The following RAP1GAP2 variants were observed in gnomAD, a reference collection of about 807,000 sequenced individuals.
The protein encoded by RAP1GAP2 is RAP1 GTPase activating protein 2.
A neutral mutation model predicts 95.0 loss-of-function variants in RAP1GAP2; 27 were observed. The observed-to-expected ratio is 0.28, with a 90% CI of 0.21 to 0.39. The LOEUF is 0.39. Among genes scored for constraint, RAP1GAP2 ranks in the 10% least tolerant of loss-of-function variants. RAP1GAP2 has a pLI of 1.00. For missense variants in RAP1GAP2, 771 were observed against 970.0 expected (o/e 0.79, Z 2.72); for synonymous variants, 373 against 380.9 (o/e 0.98, Z 0.24).
chr17:2,952,434 T>G (rs112252506), intron 3 of RAP1GAP2, among the ~76,000 whole-genome samples: 51 of 152,350 alleles, frequency 3.3e-4, no homozygotes, highest in African/African-American at 1.1e-3. Context: ...CATGTGTTCT[T>G]GTGGCATGGC....
At chr17:2,876,281 C>T (rs546890895) in intron 2 of RAP1GAP2, among the ~76,000 whole-genome samples, 5 of 151,968 alleles carry the variant, frequency 3.3e-5, no homozygotes, top group Non-Finnish European at 4.4e-5. Flanking sequence ...GTAAAATATT[C>T]GAAGAGATTT....
rs2046230361 is a variant in RAP1GAP2 at position 3,003,408 on chromosome 17, A to C, written c.1201-1961A>C. 6.6e-6 allele frequency among the ~76,000 whole-genome samples: 1 copy of C among 152,042 alleles called. No individual in the cohort carries two copies. ...CTGCCTCCCTCTCCGGAAGTCCTCA[A>C]AGGTGTCAGGAATCTCAGGTGAAGC... On this transcript the variant is annotated intron_variant, in intron 14 of 24. Coordinates refer to ENST00000254695, the MANE Select transcript of RAP1GAP2 (RefSeq NM_015085.5). This position sits in a 1 kb window ranked among gnomAD's most constrained non-coding sequence, Gnocchi z 4.1.
intron 3 of RAP1GAP2, among the ~76,000 whole-genome samples, chr17:2,943,204 T>A (rs992601741): frequency 6.6e-6 from 1 of 151,924 alleles, no homozygotes; most frequent in African/African-American, 2.4e-5. Flanking sequence ...AGATATTTTA[T>A]AGAGATTGAA....
At chr17:2,854,742 G>A (rs952482754) in intron 2 of RAP1GAP2, among the ~76,000 whole-genome samples, 1 of 152,216 alleles carries the variant, frequency 6.6e-6, no homozygotes, top group Non-Finnish European at 1.5e-5. Context: ...GTAGGCAAAG[G>A]AGGTTCTGAG....
chr17:2,909,487 G>A (rs1326268217), intron 3 of RAP1GAP2, among the ~76,000 whole-genome samples: 1 of 152,168 alleles, frequency 6.6e-6, no homozygotes, highest in African/African-American at 2.4e-5. Context: ...GTGGAAAGGA[G>A]GGAGTGAGGC....
intron 2 of RAP1GAP2, among the ~76,000 whole-genome samples, chr17:2,823,889 C>T (rs190886647): frequency 2.1e-4 from 32 of 152,104 alleles, no homozygotes; most frequent in African/African-American, 3.9e-4. Flanking sequence ...TTTGGGAGGC[C>T]GAGGCGGGCG....
intron 2 of RAP1GAP2, among the ~76,000 whole-genome samples, chr17:2,809,827 G>A (rs966752503): frequency 3.9e-4 from 60 of 152,320 alleles, no homozygotes; most frequent in African/African-American, 1.3e-3. Flanking sequence ...CAGCCACCGC[G>A]GGAGAGGCTC....
chr17:2,768,896 C>T (rs2068328352), intron 1 of RAP1GAP2, among the ~76,000 whole-genome samples: 1 of 150,888 alleles, frequency 6.6e-6, no homozygotes, highest in South Asian at 2.1e-4. Context: ...TGACTCCTGA[C>T]CCCTGCTCCA....
chr17:2,757,812 A>G (rs2071173064), intron 1 of RAP1GAP2, among the ~76,000 whole-genome samples: 1 of 150,662 alleles, frequency 6.6e-6, no homozygotes, highest in Non-Finnish European at 1.5e-5. Context: ...CATCCTCCCA[A>G]CTCTTGCCCC....
At chr17:3,028,957 G>C (rs1175156355) in intron 22 of RAP1GAP2, among the ~76,000 whole-genome samples, 1 of 152,000 alleles carries the variant, frequency 6.6e-6, no homozygotes, top group East Asian at 1.9e-4. Context: ...TGTGCCACAT[G>C]CCCGGCTAAT....
chr17:2,896,203 G>C (rs2041818940), intron 2 of RAP1GAP2, among the ~76,000 whole-genome samples: 1 of 152,134 alleles, frequency 6.6e-6, no homozygotes, highest in African/African-American at 2.4e-5. Flanking sequence ...CTTTCAGGTG[G>C]GTGTGCCGTG....
chr17:2,945,685 G>T (rs940924444), intron 3 of RAP1GAP2, among the ~76,000 whole-genome samples: 2 of 151,682 alleles, frequency 1.3e-5, no homozygotes, highest in Non-Finnish European at 2.9e-5. Context: ...ATCATGAAAG[G>T]ATATTAGCTT....
intron 8 of RAP1GAP2, among the ~76,000 whole-genome samples, chr17:2,969,179 C>CTCTCTA (rs898860712): frequency 6.3e-4 from 90 of 143,224 alleles, no homozygotes; most frequent in African/African-American, 2.1e-3. Flanking sequence ...ATCTATCTAT[C>CTCTCTA]TATATATATA....
At chr17:2,947,080 A>G (rs1246449864) in intron 3 of RAP1GAP2, among the ~76,000 whole-genome samples, 1 of 152,112 alleles carries the variant, frequency 6.6e-6, no homozygotes, top group Non-Finnish European at 1.5e-5. Flanking sequence ...ACTAGCCCCC[A>G]GGTGGTTCTG....
Position 3,036,517 on chromosome 17 carries a change from G to T in RAP1GAP2, c.*3156G>T, listed in dbSNP as rs1054128810. On this transcript the variant is annotated 3_prime_UTR_variant, in exon 25 of 25. Transcript: ENST00000254695. The stretch of plus-strand genomic sequence containing the variant: ...GTTTCTGCTCTTTTTCATCAGGGGG[G>T]ATAGTCTCTAGGATTTTTCAGTGAG... 5 of 152,266 alleles carry T rather than the reference G, an allele frequency of 3.3e-5. No individual in the cohort carries two copies. Among genetic ancestry groups the T allele is most frequent in the Non-Finnish European group, 7.3e-5 (5 of 68,118 alleles). The allele number at this position is 152,266 out of a possible 1,614,324, so 9.4% of individuals were successfully genotyped here. A position where few individuals can be genotyped will look rare whatever the true frequency, so the allele number is the denominator to read the frequency against.
chr17:3,016,345 AT>A (rs1320788537), intron 17 of RAP1GAP2, among the ~76,000 whole-genome samples: 1 of 152,224 alleles, frequency 6.6e-6, no homozygotes, highest in Non-Finnish European at 1.5e-5. Flanking sequence ...TCATGACTTA[AT>A]CCTGCGTCCC....
chr17:2,876,175 G>C (rs2073092213), intron 2 of RAP1GAP2, among the ~76,000 whole-genome samples: 1 of 152,028 alleles, frequency 6.6e-6, no homozygotes, highest in Non-Finnish European at 1.5e-5. Context: ...CTGACCTTGT[G>C]AGCTGCCTGC....
At chr17:2,905,163 G>T in intron 2 of RAP1GAP2, 121 bp from the exon 3 acceptor site, 1 of 862,026 alleles carries the variant, frequency 1.2e-6, no homozygotes, top group Non-Finnish European at 1.8e-6. Context: ...GATTACTGGC[G>T]TGAGCCACCC....
intron 8 of RAP1GAP2, among the ~76,000 whole-genome samples, chr17:2,975,287 A>G (rs2045062684): frequency 6.6e-6 from 1 of 152,230 alleles, no homozygotes; most frequent in Non-Finnish European, 1.5e-5. Flanking sequence ...TGCAATAAGT[A>G]TAAATAGATT....
Sources: gnomAD v4.1 joint callset for allele counts (sites outside exome capture counted in the v4.1 genomes callset) on GRCh38, gnomAD v4.1.1 for gene constraint, Gnocchi (gnomAD v3.1) non-coding constraint, MANE v1.5 for transcripts, NCBI Gene and HGNC (gene_info 2026-07-23, HGNC 2026-07-21) for gene names.